The following CDH12 variants were observed in gnomAD, a reference collection of about 807,000 sequenced individuals.
CDH12 encodes the protein cadherin 12.
Under a neutral mutation model 74.1 loss-of-function variants are expected in CDH12, and 41 were observed. That is an observed-to-expected ratio of 0.55 (90% CI 0.43 to 0.72). The LOEUF (loss-of-function observed/expected upper bound fraction) is 0.72. Among genes scored for constraint, CDH12 ranks in the 30% least tolerant of loss-of-function variants. The pLI, the probability that CDH12 is intolerant of heterozygous loss-of-function variation, is 0.00. For missense variants in CDH12, 945 were observed against 977.2 expected (o/e 0.97, Z 0.44); for synonymous variants, 399 against 355.0 (o/e 1.12, Z -1.39).
intron 1 of CDH12, among the ~76,000 whole-genome samples, chr5:22,690,961 A>C (rs977801885): frequency 2.6e-5 from 4 of 152,176 alleles, no homozygotes; most frequent in Non-Finnish European, 5.9e-5. Flanking sequence ...AACCAAACCC[A>C]ATACCACAGA....
At chr5:22,105,081 C>T (rs1414310253) in intron 4 of CDH12, among the ~76,000 whole-genome samples, 1 of 151,648 alleles carries the variant, frequency 6.6e-6, no homozygotes, top group Non-Finnish European at 1.5e-5. Flanking sequence ...TCTCTGTTTC[C>T]AAATTTCTGC....
intron 3 of CDH12, among the ~76,000 whole-genome samples, chr5:22,283,251 T>TATATATATATACACACACACAC (rs1282673054): frequency 9.8e-6 from 1 of 102,064 alleles, no homozygotes; most frequent in African/African-American, 4.1e-5. Context: ...TATATATATA[T>TATATATATATACACACACACAC]ACACACACAC....
chr5:22,143,696 T>C (rs1161971008), intron 4 of CDH12: 1 of 152,142 alleles, frequency 6.6e-6, no homozygotes, highest in Non-Finnish European at 1.5e-5. Context: ...TCAAAAATGT[T>C]CTGCTCTGTT....
intron 1 of CDH12, among the ~76,000 whole-genome samples, chr5:22,548,705 G>A (rs1337686550): frequency 2.0e-5 from 3 of 151,786 alleles, no homozygotes; most frequent in Admixed American, 6.6e-5. Context: ...GCCATCCTCC[G>A]AGAGGCAGGA....
At chr5:22,012,697 C>T (rs1372514293) in intron 5 of CDH12, among the ~76,000 whole-genome samples, 1 of 149,546 alleles carries the variant, frequency 6.7e-6, no homozygotes, top group Non-Finnish European at 1.5e-5. Flanking sequence ...AATTTGGAGC[C>T]TGAAAACCTT....
At chr5:22,030,324 A>T (rs1045564380) in intron 5 of CDH12, among the ~76,000 whole-genome samples, 7 of 152,154 alleles carry the variant, frequency 4.6e-5, no homozygotes, top group African/African-American at 1.7e-4. Context: ...GAAAGTTGAA[A>T]TTACTCCTTG....
chr5:22,590,688 A>G (rs777530252), intron 1 of CDH12, among the ~76,000 whole-genome samples: 2 of 152,220 alleles, frequency 1.3e-5, no homozygotes, highest in African/African-American at 2.4e-5. Flanking sequence ...TCTTATTCTA[A>G]AAACAATATT....
intron 3 of CDH12, among the ~76,000 whole-genome samples, chr5:22,223,865 C>G (rs566534060): frequency 1.3e-5 from 2 of 151,862 alleles, no homozygotes; most frequent in Non-Finnish European, 2.9e-5. Flanking sequence ...ATTATCAGGG[C>G]AATTGAGCCA....
intron 1 of CDH12, among the ~76,000 whole-genome samples, chr5:22,719,886 G>A (rs1167744638): frequency 5.9e-5 from 9 of 152,052 alleles, no homozygotes; most frequent in South Asian, 2.1e-4. Context: ...AGCCAGAAGC[G>A]AGCAGGAAAG....
Position 22,310,417 on chromosome 5 carries a change from C to A in CDH12, c.-333+94840G>T, listed in dbSNP as rs188459232. Among the ~76,000 whole-genome samples the A allele has an allele frequency of 5.0e-3, 748 of 150,236 alleles. 7 individuals carry two copies. Among genetic ancestry groups the A allele is most frequent in the African/African-American group, 0.018 (717 of 40,952 alleles). On this transcript the variant is annotated intron_variant, in intron 3 of 14. Coordinates refer to ENST00000382254, the MANE Select transcript of CDH12 (RefSeq NM_004061.5). ...GGCAGAGGTTGCAGTGAGTGGAGAT[C>A]GCACCACTGCACTCCAGCCTGGGTG...
At chr5:21,978,173 C>T (rs1195178348) in intron 5 of CDH12, among the ~76,000 whole-genome samples, 8 of 152,068 alleles carry the variant, frequency 5.3e-5, no homozygotes, top group Non-Finnish European at 8.8e-5. Context: ...CGGAGTATCG[C>T]TCTCGTTGCC....
At chr5:22,469,347 G>A (rs1319675472) in intron 2 of CDH12, among the ~76,000 whole-genome samples, 2 of 152,192 alleles carry the variant, frequency 1.3e-5, no homozygotes, top group Non-Finnish European at 2.9e-5. Flanking sequence ...GTGTTGGCAG[G>A]TTGGTTTCTT....
chr5:21,986,482 C>A (rs1273943276), intron 5 of CDH12, among the ~76,000 whole-genome samples: 1 of 152,114 alleles, frequency 6.6e-6, no homozygotes, highest in Non-Finnish European at 1.5e-5. Flanking sequence ...AGGTCACTGG[C>A]TTGGACCCAG....
chr5:21,754,478 T>A, intron 14 of CDH12, among the ~76,000 whole-genome samples: 1 of 152,164 alleles, frequency 6.6e-6, no homozygotes, highest in East Asian at 1.9e-4. Flanking sequence ...TAATTTATTA[T>A]GAATTATAAG....
At chr5:22,366,983 G>T (rs1465142315) in intron 3 of CDH12, among the ~76,000 whole-genome samples, 2 of 152,088 alleles carry the variant, frequency 1.3e-5, no homozygotes, top group Admixed American at 6.6e-5. Flanking sequence ...TAAGATTGTG[G>T]TTTTTAAAAA....
chr5:22,461,401 A>C (rs1270715209), intron 2 of CDH12, among the ~76,000 whole-genome samples: 1 of 151,734 alleles, frequency 6.6e-6, no homozygotes, highest in East Asian at 1.9e-4. Flanking sequence ...TCATTTTACT[A>C]CTGTTAAAAA....
chr5:21,852,424 CA>C (rs1750519813), intron 7 of CDH12, among the ~76,000 whole-genome samples: 1 of 151,260 alleles, frequency 6.6e-6, no homozygotes, highest in Non-Finnish European at 1.5e-5. Flanking sequence ...ACTTTTTAAA[CA>C]TACTAGAATA....
chr5:22,277,634 A>AGGTTGGGTCAGGT (rs79895752), intron 3 of CDH12, among the ~76,000 whole-genome samples: 149,453 of 152,122 alleles, frequency 0.98, 73,466 homozygotes, highest in Non-Finnish European at 1. Context: ...GGAGTTCCAG[A>AGGTTGGGTCAGGT]CCAGCCTGAC....
intron 5 of CDH12, among the ~76,000 whole-genome samples, chr5:22,076,859 T>C (rs990071886): frequency 1.3e-5 from 2 of 150,178 alleles, no homozygotes; most frequent in African/African-American, 5.0e-5. Flanking sequence ...AGGCTGGAAA[T>C]GTTTGGGTCT....
Sources: gnomAD v4.1 joint callset for allele counts (sites outside exome capture counted in the v4.1 genomes callset) on GRCh38, gnomAD v4.1.1 for gene constraint, MANE v1.5 for transcripts, NCBI Gene and HGNC (gene_info 2026-07-23, HGNC 2026-07-21) for gene names.